Variants in SCML2 observed in about 807,000 individuals in gnomAD.
SCML2 encodes the protein Scm polycomb group protein like 2, also known as sex comb on midleg-like protein 2.
In SCML2, 6 loss-of-function variants were observed where a neutral mutation model predicts 48.4. That is an observed-to-expected ratio of 0.12 (90% CI 0.07 to 0.24). The LOEUF (loss-of-function observed/expected upper bound fraction) is 0.24, where lower values mean the gene tolerates loss of function less well. Among genes scored for constraint, SCML2 ranks in the 10% least tolerant of loss-of-function variants. The probability of loss-of-function intolerance (pLI) is 1.00; values close to 1 mark genes in which losing one functional copy is unlikely to be tolerated. For synonymous variants in SCML2, 181 were observed against 189.5 expected (o/e 0.95, Z 0.37); for missense variants, 377 against 528.2 (o/e 0.71, Z 2.81).
At chrX:18,332,303 T>G (rs948437143) in intron 2 of SCML2, among the ~76,000 whole-genome samples, 1 of 112,411 alleles carries the variant, frequency 8.9e-6, no homozygotes, top group Non-Finnish European at 1.9e-5. Flanking sequence ...AAGTTTTATT[T>G]GTTTTGCTTT....
chrX:18,321,666 CA>C (rs763109656), intron 5 of SCML2, among the ~76,000 whole-genome samples: 1 of 101,414 alleles, frequency 9.9e-6, no homozygotes, highest in East Asian at 3.2e-4. Flanking sequence ...AATAAATCAA[CA>C]TTATTATTCT....
chrX:18,310,454 T>C (rs943555500), intron 6 of SCML2, among the ~76,000 whole-genome samples: 7 of 108,758 alleles, frequency 6.4e-5, no homozygotes, highest in Non-Finnish European at 1.3e-4. Context: ...TTAGTAGAGA[T>C]AGGGTTTTGC....
intron 11 of SCML2, among the ~76,000 whole-genome samples, chrX:18,256,595 TAGAG>T (rs1174003129): frequency 8.9e-6 from 1 of 112,412 alleles, no homozygotes; most frequent in African/African-American, 3.2e-5. Context: ...TTCAGTCTAA[TAGAG>T]AATGTTTAAC....
At position 18,239,504 on chromosome X, in the gene SCML2, T is replaced by C. The variant is rs1045283011; in HGVS notation, c.*1747A>G. 2 of 112,603 alleles carry C rather than the reference T, an allele frequency of 1.8e-5. No homozygotes were observed. Among genetic ancestry groups the C allele is most frequent in the African/African-American group, 6.5e-5 (2 of 30,886 alleles). The allele number at this position is 112,603 out of a possible 1,213,427, so 9.3% of individuals were successfully genotyped here. On this transcript the variant is annotated 3_prime_UTR_variant, in exon 15 of 15. Coordinates refer to ENST00000251900, the MANE Select transcript of SCML2 (RefSeq NM_006089.3). ...ATAAATGAAGCTATTCTTTAAATAGTTGCATTCATGTCTAAAGTACATTTG... is the reference window on the plus strand; with the variant it reads ...ATAAATGAAGCTATTCTTTAAATAGCTGCATTCATGTCTAAAGTACATTTG...
intron 7 of SCML2, among the ~76,000 whole-genome samples, chrX:18,285,167 A>T (rs1928006894): frequency 9.0e-6 from 1 of 111,468 alleles, no homozygotes; most frequent in African/African-American, 3.3e-5. Context: ...CAAAGAACTC[A>T]GAACTACCAT....
At chrX:18,258,290 T>G (rs749066088) in intron 9 of SCML2, 43 bp from the exon 10 acceptor site, 1 of 1,052,147 alleles carries the variant, frequency 9.5e-7, no homozygotes, top group Non-Finnish European at 1.3e-6. Flanking sequence ...TGAGACTGAT[T>G]AAAAGAAATT....
At chrX:18,266,997 A>G (rs1012260273) in intron 7 of SCML2, among the ~76,000 whole-genome samples, 7 of 111,974 alleles carry the variant, frequency 6.3e-5, no homozygotes, top group African/African-American at 2.3e-4. Flanking sequence ...CACTTTTTTG[A>G]AAAAGTCCAG....
chrX:18,301,040 G>T (rs1355409487), intron 7 of SCML2, among the ~76,000 whole-genome samples: 1 of 111,693 alleles, frequency 9.0e-6, no homozygotes, highest in Non-Finnish European at 1.9e-5. Context: ...AATAACAGTA[G>T]ATTTCTCATC....
At chrX:18,341,503 G>A (rs968570678) in intron 1 of SCML2, among the ~76,000 whole-genome samples, 1 of 111,845 alleles carries the variant, frequency 8.9e-6, no homozygotes, top group African/African-American at 3.2e-5. Context: ...GGTCCAATCA[G>A]ACTGCCAAAT....
At chrX:18,257,400 A>C (rs1407711372) in intron 10 of SCML2, among the ~76,000 whole-genome samples, 1 of 111,657 alleles carries the variant, frequency 9.0e-6, no homozygotes, top group Non-Finnish European at 1.9e-5. Context: ...CTTCTTATAG[A>C]TAAAATATAT....
In SCML2 at chrX:18,324,838, C is replaced by A. The variant is rs1192369004; in HGVS notation, c.162+69G>T. ...ATCTCCTCACACTACCAGAATCTAA[C>A]AATCACACAGACGTCCTCCAACAAG... On this transcript the variant is annotated intron_variant, in intron 4 of 14. Coordinates refer to ENST00000251900, the MANE Select transcript of SCML2 (RefSeq NM_006089.3). 5 of 806,429 alleles carry A rather than the reference C, an allele frequency of 6.2e-6. No homozygotes were observed. In the African/African-American group the frequency reaches 1.0e-4, roughly 16 times the overall value. 66.5% of individuals were successfully genotyped at this position (806,429 alleles called of 1,213,427 possible). A position where few individuals can be genotyped will look rare whatever the true frequency, so the allele number is the denominator to read the frequency against.
intron 7 of SCML2, among the ~76,000 whole-genome samples, chrX:18,296,003 C>T (rs1344170942): frequency 8.1e-5 from 9 of 111,479 alleles, no homozygotes; most frequent in Admixed American, 1.9e-4. Context: ...AAATTAGAAG[C>T]GGCAACTATT....
chrX:18,282,630 C>T (rs1927905740), intron 7 of SCML2, among the ~76,000 whole-genome samples: 1 of 110,773 alleles, frequency 9.0e-6, no homozygotes, highest in Non-Finnish European at 1.9e-5. Context: ...AAAGTGAGAC[C>T]CTATCTCAAA....
intron 1 of SCML2, among the ~76,000 whole-genome samples, chrX:18,343,647 C>T (rs1930093442): frequency 9.3e-6 from 1 of 107,587 alleles, no homozygotes; most frequent in South Asian, 4.1e-4. Context: ...GTAATCCCAG[C>T]TACTCAGGAG....
Position 18,334,063 on chromosome X carries a change from T to C in SCML2, c.9A>G (p.Gln3=). The change falls in exon 2 of 15, where the codon CAA becomes CAG. Residue 3 remains glutamine, a synonymous_variant. Coordinates refer to ENST00000251900, the MANE Select transcript of SCML2 (RefSeq NM_006089.3). MG[Q]TVNEDSMDVK... is the part of the protein sequence containing the mutation. ...AGTAAATCTTACCTTCATTCACTGT[T>C]TGTCCCATGGTATCCCTATTTGGTG... The C allele has an allele frequency of 8.3e-7, 1 of 1,197,896 alleles. No homozygotes were observed. The highest frequency in any genetic ancestry group is 1.1e-6 in the Non-Finnish European group (1 of 888,160).
At chrX:18,331,290 A>T (rs1019362825) in intron 2 of SCML2, among the ~76,000 whole-genome samples, 3 of 105,235 alleles carry the variant, frequency 2.9e-5, no homozygotes. Context: ...AAAAAAAAAA[A>T]TCAGTGCATC....
intron 7 of SCML2, among the ~76,000 whole-genome samples, chrX:18,287,013 A>G (rs999554010): frequency 9.0e-6 from 1 of 110,836 alleles, no homozygotes; most frequent in African/African-American, 3.3e-5. Flanking sequence ...ACATGGCCAG[A>G]GTTCAAGAGC....
intron 7 of SCML2, among the ~76,000 whole-genome samples, chrX:18,281,125 T>TA (rs756411441): frequency 1.8e-5 from 2 of 109,634 alleles, no homozygotes; most frequent in African/African-American, 3.3e-5. Flanking sequence ...TCAATAAAAC[T>TA]AAAAAAAACT....
At chrX:18,285,319 T>C (rs1393914084) in intron 7 of SCML2, among the ~76,000 whole-genome samples, 1 of 108,954 alleles carries the variant, frequency 9.2e-6, no homozygotes, top group Admixed American at 1.0e-4. Context: ...CCATCAATAG[T>C]AGACTAGACA....
Sources: gnomAD v4.1 joint callset for allele counts (sites outside exome capture counted in the v4.1 genomes callset) on GRCh38, gnomAD v4.1.1 for gene constraint, MANE v1.5 for transcripts, NCBI Gene and HGNC (gene_info 2026-07-23, HGNC 2026-07-21) for gene names.